Variants in SGCZ observed in about 807,000 individuals in gnomAD.
SGCZ encodes the protein zeta-sarcoglycan.
In SGCZ, 40 loss-of-function variants were observed where a neutral mutation model predicts 41.3. The ratio of observed to expected loss-of-function variants is 0.97; its 90% CI spans 0.75 to 1.26. The LOEUF is 1.26. Among genes scored for constraint, SGCZ ranks in the 50% most tolerant of loss-of-function variants. The pLI, the probability that SGCZ is intolerant of heterozygous loss-of-function variation, is 0.00. For synonymous variants in SGCZ, 206 were observed against 137.5 expected, an observed-to-expected ratio of 1.50 and a Z score of -3.49; for missense variants, 552 against 369.8, an observed-to-expected ratio of 1.49 and a Z score of -4.04.
At chr8:14,205,515 C>T (rs1022884776) in intron 4 of SGCZ, among the ~76,000 whole-genome samples, 5 of 152,114 alleles carry the variant, frequency 3.3e-5, no homozygotes, top group Admixed American at 2.6e-4. Context: ...ATGATGTCAT[C>T]CACTGTTTGT....
chr8:14,355,012 T>C (rs951960052), intron 2 of SGCZ, among the ~76,000 whole-genome samples: 3 of 151,982 alleles, frequency 2.0e-5, no homozygotes, highest in African/African-American at 7.2e-5. Flanking sequence ...TTACAGAAGT[T>C]TTTCAATTTC....
chr8:14,709,589 C>G (rs1809447983), intron 1 of SGCZ, among the ~76,000 whole-genome samples: 1 of 151,330 alleles, frequency 6.6e-6, no homozygotes. Context: ...AAAGTTAAAG[C>G]ACTATTAAAA....
At position 14,426,534 on chromosome 8, in the gene SGCZ, G is replaced by A. The variant is rs528764744; in HGVS notation, c.235-102330C>T. ...ATAAAAGTGTCAGTTATGACCAGGA[G>A]AGAAATGACGACAGAGATGAAAGCG... On this transcript the variant is annotated intron_variant, in intron 2 of 7. Coordinates refer to ENST00000382080, the MANE Select transcript of SGCZ (RefSeq NM_139167.4). 2.0e-5 allele frequency among the ~76,000 whole-genome samples: 3 copies of A among 152,242 alleles called. 1 individual carries two copies. In the South Asian group the frequency reaches 6.2e-4, roughly 32 times the overall value.
intron 1 of SGCZ, among the ~76,000 whole-genome samples, chr8:14,964,041 G>C (rs868295881): frequency 1.3e-5 from 2 of 152,040 alleles, no homozygotes; most frequent in Non-Finnish European, 2.9e-5. Flanking sequence ...AGGTTACAAG[G>C]CTAAAAATAA....
At chr8:15,190,458 G>A (rs925149477) in intron 1 of SGCZ, among the ~76,000 whole-genome samples, 3 of 152,080 alleles carry the variant, frequency 2.0e-5, no homozygotes, top group Non-Finnish European at 4.4e-5. Flanking sequence ...TCAAGTGACA[G>A]TCTAGTCAGA....
At chr8:14,382,371 G>T (rs978656494) in intron 2 of SGCZ, among the ~76,000 whole-genome samples, 3 of 151,870 alleles carry the variant, frequency 2.0e-5, no homozygotes, top group African/African-American at 7.3e-5. Flanking sequence ...CAAAACTGAG[G>T]CCTCAGAAAT....
At chr8:14,261,960 G>C (rs1033285437) in intron 3 of SGCZ, among the ~76,000 whole-genome samples, 6 of 152,090 alleles carry the variant, frequency 3.9e-5, no homozygotes, top group African/African-American at 1.4e-4. Context: ...ACTCACACGA[G>C]TTGAAAGATA....
intron 1 of SGCZ, among the ~76,000 whole-genome samples, chr8:14,736,590 A>C (rs922648200): frequency 2.0e-5 from 3 of 152,048 alleles, no homozygotes; most frequent in African/African-American, 7.2e-5. Flanking sequence ...AGCAGTACAC[A>C]CTACACCATA....
intron 2 of SGCZ, among the ~76,000 whole-genome samples, chr8:14,451,791 A>G (rs555140595): frequency 7.2e-5 from 11 of 152,358 alleles, no homozygotes; most frequent in East Asian, 5.8e-4. Flanking sequence ...AACAAGTTAC[A>G]TCTTATTAGA....
intron 2 of SGCZ, among the ~76,000 whole-genome samples, chr8:14,493,989 T>A (rs931521973): frequency 1.3e-5 from 2 of 152,110 alleles, no homozygotes; most frequent in Non-Finnish European, 1.5e-5. Flanking sequence ...TATGCAGCAG[T>A]AATCTGTCAC....
intron 2 of SGCZ, among the ~76,000 whole-genome samples, chr8:14,426,512 A>G (rs796164260): frequency 8.2e-5 from 12 of 147,112 alleles, no homozygotes; most frequent in African/African-American, 3.3e-4. Context: ...AAAACACATA[A>G]AAGTGTCAGT....
intron 5 of SGCZ, among the ~76,000 whole-genome samples, chr8:14,138,828 G>T (rs936101227): frequency 2.6e-5 from 4 of 152,134 alleles, no homozygotes; most frequent in African/African-American, 9.7e-5. Context: ...ACTCAGCTCT[G>T]CACCAAGCGG....
chr8:14,807,122 C>T (rs1357875583), intron 1 of SGCZ, among the ~76,000 whole-genome samples: 1 of 151,642 alleles, frequency 6.6e-6, no homozygotes, highest in African/African-American at 2.4e-5. Flanking sequence ...CAGCCAATAT[C>T]ATACTGAATG....
chr8:14,917,282 T>C (rs1799464172), intron 1 of SGCZ, among the ~76,000 whole-genome samples: 1 of 146,730 alleles, frequency 6.8e-6, no homozygotes, highest in Non-Finnish European at 1.5e-5. Flanking sequence ...ATGTTGAAAA[T>C]TCCAGTAACA....
In SGCZ at chr8:14,336,869, C is replaced by A. The variant is rs148180688; in HGVS notation, c.235-12665G>T. ...ACTATCATCTCTATTTAATGGAAAT[C>A]TGTATCTCATCCTGGACTCTTCATT... is the stretch of plus-strand genomic sequence containing the variant. On this transcript the variant is annotated intron_variant, in intron 2 of 7. Coordinates refer to ENST00000382080, the MANE Select transcript of SGCZ (RefSeq NM_139167.4). 9.9e-4 allele frequency among the ~76,000 whole-genome samples: 150 copies of A among 152,226 alleles called. 3 individuals carry two copies. In the East Asian group the frequency reaches 0.027, roughly 28 times the overall value.
At chr8:14,627,575 T>A (rs539161905) in intron 1 of SGCZ, among the ~76,000 whole-genome samples, 1 of 152,276 alleles carries the variant, frequency 6.6e-6, no homozygotes, top group African/African-American at 2.4e-5. Flanking sequence ...TATGTGGTAA[T>A]AATTCAAGAA....
intron 2 of SGCZ, among the ~76,000 whole-genome samples, chr8:14,409,133 T>TA (rs1799292718): frequency 6.6e-6 from 1 of 152,116 alleles, no homozygotes; most frequent in African/African-American, 2.4e-5. Flanking sequence ...AACTGATTAT[T>TA]ACAGAGATAT....
intron 1 of SGCZ, among the ~76,000 whole-genome samples, chr8:14,863,373 G>T (rs2130684937): frequency 6.6e-6 from 1 of 152,114 alleles, no homozygotes; most frequent in South Asian, 2.1e-4. Context: ...CACCCAGGCT[G>T]GAGTGTAGTG....
intron 2 of SGCZ, among the ~76,000 whole-genome samples, chr8:14,466,619 C>G (rs1386547899): frequency 6.6e-6 from 1 of 151,716 alleles, no homozygotes; most frequent in Non-Finnish European, 1.5e-5. Context: ...CCTCATGTTC[C>G]TTAAATTTTT....
Sources: allele counts gnomAD v4.1 joint callset (sites outside exome capture counted in the v4.1 genomes callset), GRCh38; gene constraint gnomAD v4.1.1; transcripts MANE v1.5; gene names NCBI Gene and HGNC (gene_info 2026-07-23, HGNC 2026-07-21).